PRL: variants seen among roughly 807,000 people sequenced by gnomAD.
PRL encodes the protein decidual prolactin.
A neutral mutation model predicts 21.3 loss-of-function variants in PRL; 24 were observed. That is an observed-to-expected ratio of 1.13 (90% CI 0.82 to 1.59). PRL has a LOEUF of 1.59. Among genes scored for constraint, PRL ranks in the 40% most tolerant of loss-of-function variants. PRL has a pLI of 0.00. For synonymous variants in PRL, 118 were observed against 115.7 expected (o/e 1.02, Z -0.13); for missense variants, 243 against 286.9 (o/e 0.85, Z 1.10).
At chr6:22,301,153 T>C (rs1309905919), upstream of PRL, among the ~76,000 whole-genome samples, 3 of 152,230 alleles carry the variant, frequency 2.0e-5, no homozygotes, top group Admixed American at 2.0e-4. Context: ...ATTTCTTATC[T>C]GATGGAAAGT....
chr6:22,296,347 C>T (rs557826976), intron 1 of PRL, among the ~76,000 whole-genome samples: 1 of 152,256 alleles, frequency 6.6e-6, no homozygotes, highest in South Asian at 2.1e-4. Flanking sequence ...GTCTGTTTTT[C>T]CTTTTGAAAT....
exon 1 of PRL, among the ~76,000 whole-genome samples, chr6:22,302,776 C>T (rs1276622468): frequency 6.6e-6 from 1 of 151,892 alleles, no homozygotes; most frequent in Non-Finnish European, 1.5e-5. Context: ...CTGTATGTTC[C>T]GATTCTTCTT....
chr6:22,296,546 C>T (rs986442480), intron 1 of PRL, among the ~76,000 whole-genome samples: 1 of 152,206 alleles, frequency 6.6e-6, no homozygotes, highest in Non-Finnish European at 1.5e-5. Context: ...CCCACAGACT[C>T]TTTGAGTCTT....
chr6:22,287,604 A>G lies in PRL; in HGVS notation c.493-11T>C. The G allele has an allele frequency of 1.9e-6, 3 of 1,568,296 alleles. No homozygotes were observed. Among genetic ancestry groups the G allele is most frequent in the Non-Finnish European group, 2.6e-6 (3 of 1,151,734 alleles). On this transcript the variant is annotated splice_polypyrimidine_tract_variant and intron_variant, in intron 4 of 4. Coordinates refer to ENST00000306482, the MANE Select transcript of PRL (RefSeq NM_000948.6). ...GGTTTCAGGATGAACCTAATCACACAAAAAAAGAGTGACTTATTCTTCATA... is the reference window on the plus strand; with the variant it reads ...GGTTTCAGGATGAACCTAATCACACGAAAAAAGAGTGACTTATTCTTCATA...
chr6:22,288,917 TGCGTGC>T lies in PRL; in HGVS notation c.492+1251_492+1256del, dbSNP rs1222879179. On this transcript the variant is annotated intron_variant, in intron 4 of 4. Transcript: ENST00000306482. This position sits in a 1 kb window ranked among gnomAD's most constrained non-coding sequence, Gnocchi z 4.5. ...GTGCGTGTGTGCGCGCGCGTGTGTGTGCGTGCGCGTGTGTGTGCATGTGTGTGTGCG... is the reference window on the plus strand; with the variant it reads ...GTGCGTGTGTGCGCGCGCGTGTGTGTGCGTGTGTGTGCATGTGTGTGTGCG... 1.5e-5 allele frequency among the ~76,000 whole-genome samples: 2 copies of T among 129,194 alleles called. No individual in the cohort carries two copies. The highest frequency in any genetic ancestry group is 8.0e-5 in the Admixed American group (1 of 12,466). 84.8% of individuals were successfully genotyped at this position (129,194 alleles called of 152,430 possible). A position where few individuals can be genotyped will look rare whatever the true frequency, so the allele number is the denominator to read the frequency against.
chr6:22,295,444 C>T (rs939666923), intron 1 of PRL, among the ~76,000 whole-genome samples: 2 of 152,096 alleles, frequency 1.3e-5, no homozygotes, highest in Non-Finnish European at 2.9e-5. Context: ...CATGAGTAGC[C>T]GTGATGGCTC....
rs1286605135 is a variant in PRL at position 22,288,897 on chromosome 6, TGTGTGCGCGCGCGTGTGTGTGCGTGCGC to T, written c.492+1249_492+1276del. ...GTATGCGCGTGCGCGTGTGTGTGCGTGTGTGCGCGCGCGTGTGTGTGCGTGCGCGTGTGTGTGCATGTGTGTGTGCGTG... is the reference window on the plus strand; with the variant it reads ...GTATGCGCGTGCGCGTGTGTGTGCGTGTGTGTGTGCATGTGTGTGTGCGTG... On this transcript the variant is annotated intron_variant, in intron 4 of 4. Transcript: ENST00000306482. This position sits in a 1 kb window ranked among gnomAD's most constrained non-coding sequence, Gnocchi z 4.5. Among the ~76,000 whole-genome samples, 1 of 149,750 alleles carries T rather than the reference TGTGTGCGCGCGCGTGTGTGTGCGTGCGC, an allele frequency of 6.7e-6. No homozygotes were observed. The highest frequency in any genetic ancestry group is 2.5e-5 in the African/African-American group (1 of 39,436).
At chr6:22,301,881 T>G (rs1259253272), upstream of PRL, among the ~76,000 whole-genome samples, 1 of 152,180 alleles carries the variant, frequency 6.6e-6, no homozygotes, top group African/African-American at 2.4e-5. Flanking sequence ...GAATTAATTC[T>G]TTGATGGAAT....
upstream of PRL, among the ~76,000 whole-genome samples, chr6:22,298,680 C>A (rs1440684548): frequency 1.3e-5 from 2 of 152,172 alleles, no homozygotes; most frequent in Non-Finnish European, 2.9e-5. Flanking sequence ...ATTCCATATA[C>A]TCACATTAGG....
At chr6:22,298,982 G>T (rs1761232702), upstream of PRL, among the ~76,000 whole-genome samples, 1 of 152,232 alleles carries the variant, frequency 6.6e-6, no homozygotes, top group East Asian at 1.9e-4. Context: ...AAAATTTATT[G>T]TGTGTCTCCT....
chr6:22,297,563 T>C (rs1761204284), upstream of PRL: 1 of 152,394 alleles, frequency 6.6e-6, no homozygotes, highest in South Asian at 2.1e-4. Context: ...ATTTTGTTGC[T>C]TTTTACATTT....
rs1253987382 is a variant in PRL, at chr6:22,292,579, G to A, written c.271C>T (p.Leu91Phe). ...TGCTCCTTGTCTTCGGGGGTGGCAAGGGAAGAAGTGTGGCAGCTGTTGATG... is the reference window on the plus strand; with the variant it reads ...TGCTCCTTGTCTTCGGGGGTGGCAAAGGAAGAAGTGTGGCAGCTGTTGATG... ...KAINSCHTSS[L>F]ATPEDKEQAQ... Residue 91 changes from leucine to phenylalanine, a missense_variant, in exon 3 of 5, where the codon CTT (leucine) becomes TTT (phenylalanine). By Grantham distance (22) the Leu-to-Phe change is conservative (BLOSUM62 0). Coordinates refer to ENST00000306482, the MANE Select transcript of PRL (RefSeq NM_000948.6). The A allele has an allele frequency of 1.2e-6, 2 of 1,614,010 alleles. No individual in the cohort carries two copies. Among genetic ancestry groups the A allele is most frequent in the Admixed American group, 1.7e-5 (1 of 59,996 alleles).
chr6:22,300,233 C>T (rs1328477126), upstream of PRL, among the ~76,000 whole-genome samples: 1 of 152,202 alleles, frequency 6.6e-6, no homozygotes, highest in Non-Finnish European at 1.5e-5. Flanking sequence ...TTTAGATTAA[C>T]TTCATACATA....
upstream of PRL, among the ~76,000 whole-genome samples, chr6:22,297,877 T>G (rs1193955820): frequency 1.3e-5 from 2 of 152,218 alleles, no homozygotes; most frequent in African/African-American, 4.8e-5. Flanking sequence ...AGCCTAATAA[T>G]TCTATAGTTG....
upstream of PRL, among the ~76,000 whole-genome samples, chr6:22,301,121 G>T (rs1278849393): frequency 6.6e-6 from 1 of 152,154 alleles, no homozygotes; most frequent in Admixed American, 6.5e-5. Flanking sequence ...TCAATATTCT[G>T]TCCATGTGCA....
intron 2 of PRL, among the ~76,000 whole-genome samples, 187 bp from the exon 3 acceptor site, chr6:22,292,832 C>T (rs943107890): frequency 1.3e-5 from 2 of 152,148 alleles, no homozygotes; most frequent in Admixed American, 6.5e-5. Flanking sequence ...TCTCTGTAAA[C>T]TCATTTTTTC....
At chr6:22,301,249 T>C, upstream of PRL, among the ~76,000 whole-genome samples, 1 of 152,218 alleles carries the variant, frequency 6.6e-6, no homozygotes, top group East Asian at 1.9e-4. Context: ...TCATCTCTTA[T>C]TGTTATCTAA....
In PRL at chr6:22,294,565, C is replaced by T; in HGVS notation, c.48G>A (p.Leu16=). Residue 16 remains leucine, a synonymous_variant, in exon 2 of 5, where the codon CTG becomes CTA. Coordinates refer to ENST00000306482, the MANE Select transcript of PRL (RefSeq NM_000948.6). The stretch of plus-strand genomic sequence containing the variant: ...TCTGGCACAGGAGCAGGTTTGACAC[C>T]AGCAGCAGCAGGAGGGACCCTGCTT... ...SPWKGSLLLL[L]VSNLLLCQSV... 6.3e-7 allele frequency: 1 copy of T among 1,598,926 alleles called. No homozygotes were observed. Among genetic ancestry groups the T allele is most frequent in the Non-Finnish European group, 8.5e-7 (1 of 1,172,706 alleles).
intron 1 of PRL, 61 bp from the exon 2 acceptor site, chr6:22,294,645 T>C: frequency 1.4e-6 from 2 of 1,464,640 alleles, no homozygotes. Context: ...TTTTCAGAAG[T>C]AATCCTGCCG....
Sources: allele counts gnomAD v4.1 joint callset (sites outside exome capture counted in the v4.1 genomes callset), GRCh38; gene constraint gnomAD v4.1.1; non-coding constraint Gnocchi (gnomAD v3.1); transcripts MANE v1.5; gene names NCBI Gene and HGNC (gene_info 2026-07-23, HGNC 2026-07-21).